PPP1R9A: variants seen among roughly 807,000 people sequenced by gnomAD.
PPP1R9A encodes the protein protein phosphatase 1 regulatory subunit 9A.
In PPP1R9A, 59 loss-of-function variants were observed where a neutral mutation model predicts 141.9. The ratio of observed to expected loss-of-function variants is 0.42; its 90% CI spans 0.34 to 0.52. PPP1R9A has a LOEUF of 0.52. PPP1R9A is among the 20% of genes least tolerant of loss of function. PPP1R9A has a pLI of 0.10. For synonymous variants in PPP1R9A, 500 were observed against 569.7 expected (o/e 0.88, Z 1.74); for missense variants, 1,444 against 1,611.9 (o/e 0.90, Z 1.78).
chr7:95,175,050 T>C (rs904762828), intron 5 of PPP1R9A: 13 of 152,042 alleles, frequency 8.6e-5, no homozygotes, highest in African/African-American at 2.9e-4. Flanking sequence ...TACAAGAGAG[T>C]GCCCAAGATG....
chr7:95,007,158 G>A (rs573691172), intron 2 of PPP1R9A, among the ~76,000 whole-genome samples: 5 of 152,238 alleles, frequency 3.3e-5, no homozygotes, highest in South Asian at 2.1e-4. Flanking sequence ...CATCGTGCCC[G>A]GCCATAATAA....
At chr7:95,059,474 T>C (rs1186954177) in intron 2 of PPP1R9A, among the ~76,000 whole-genome samples, 1 of 152,186 alleles carries the variant, frequency 6.6e-6, no homozygotes, top group East Asian at 1.9e-4. Context: ...TAGTAATAGG[T>C]TGAAGTTTCT....
At chr7:95,179,778 CAAAAAAAAAAA>C (rs61054939) in intron 5 of PPP1R9A, among the ~76,000 whole-genome samples, 64 of 96,868 alleles carry the variant, frequency 6.6e-4, no homozygotes, top group Non-Finnish European at 9.3e-4. Flanking sequence ...ACAATAGCTG[CAAAAAAAAAAA>C]AAAAAAATAC....
chr7:95,094,422 C>A (rs144637228), intron 2 of PPP1R9A, among the ~76,000 whole-genome samples: 1 of 152,158 alleles, frequency 6.6e-6, no homozygotes, highest in Non-Finnish European at 1.5e-5. Flanking sequence ...CACTCTACTC[C>A]ATCCCGTCTT....
At chr7:95,256,204 A>G (rs947934360) in intron 12 of PPP1R9A, among the ~76,000 whole-genome samples, 11 of 151,882 alleles carry the variant, frequency 7.2e-5, no homozygotes, top group Non-Finnish European at 1.3e-4. Context: ...AAAAAAAAAA[A>G]GTGACATTGA....
intron 5 of PPP1R9A, among the ~76,000 whole-genome samples, chr7:95,181,176 ATATC>A (rs973617322): frequency 6.8e-5 from 10 of 146,640 alleles, no homozygotes; most frequent in Non-Finnish European, 1.5e-4. Context: ...ATATATAGAT[ATATC>A]TATCTATATA....
At chr7:95,051,761 CA>C (rs1810834961) in intron 2 of PPP1R9A, among the ~76,000 whole-genome samples, 1 of 150,976 alleles carries the variant, frequency 6.6e-6, no homozygotes, top group African/African-American at 2.4e-5. Context: ...TATGCCAAAA[CA>C]ACAAAAAAAG....
At chr7:95,178,922 A>G (rs1456928814) in intron 5 of PPP1R9A, among the ~76,000 whole-genome samples, 1 of 152,186 alleles carries the variant, frequency 6.6e-6, no homozygotes, top group African/African-American at 2.4e-5. Context: ...GACCAGAGAG[A>G]TTCACAGCAG....
chr7:95,245,223 G>A (rs748298285), intron 8 of PPP1R9A, among the ~76,000 whole-genome samples: 2 of 152,004 alleles, frequency 1.3e-5, no homozygotes, highest in African/African-American at 2.4e-5. Flanking sequence ...CCTTTTTTAC[G>A]TTATTAGTTT....
chr7:95,030,528 A>C (rs1807518123), intron 2 of PPP1R9A, among the ~76,000 whole-genome samples: 2 of 152,086 alleles, frequency 1.3e-5, no homozygotes, highest in Admixed American at 1.3e-4. Flanking sequence ...GATTGAGATC[A>C]GGGAAAGAGA....
intron 7 of PPP1R9A, among the ~76,000 whole-genome samples, chr7:95,221,369 T>TC (rs2152942471): frequency 6.6e-6 from 1 of 152,202 alleles, no homozygotes; most frequent in Non-Finnish European, 1.5e-5. Flanking sequence ...CAGTTCTACG[T>TC]GACTTCAAAA....
intron 12 of PPP1R9A, among the ~76,000 whole-genome samples, chr7:95,262,495 T>C (rs992338522): frequency 1.3e-5 from 2 of 152,252 alleles, no homozygotes; most frequent in African/African-American, 4.8e-5. Flanking sequence ...TGATATTTGA[T>C]AGCAGTTAGG....
At chr7:95,044,394 C>T (rs1389671660) in intron 2 of PPP1R9A, among the ~76,000 whole-genome samples, 1 of 152,094 alleles carries the variant, frequency 6.6e-6, no homozygotes, top group East Asian at 1.9e-4. Context: ...ACATTTTTGC[C>T]CATGCAGTAT....
rs1186077305 is a variant in PPP1R9A, at chr7:95,293,521, G to A, written c.*3218G>A. On this transcript the variant is annotated 3_prime_UTR_variant, in exon 20 of 20. Transcript: ENST00000433360. ...TGATTGCAGTATGATAGGTACTAAA[G>A]CCAAACTCAGCTTTCAACTGGCACA... 2 of 152,108 alleles carry A rather than the reference G, an allele frequency of 1.3e-5. No homozygotes were observed. Among genetic ancestry groups the A allele is most frequent in the Admixed American group, 6.5e-5 (1 of 15,278 alleles). 9.4% of individuals were successfully genotyped at this position (152,108 alleles called of 1,614,324 possible).
chr7:95,267,418 C>G (rs762996367), intron 12 of PPP1R9A, among the ~76,000 whole-genome samples: 17 of 152,104 alleles, frequency 1.1e-4, no homozygotes, highest in Non-Finnish European at 2.5e-4. Context: ...TGATCAAACT[C>G]CTTTATTTCT....
At chr7:95,106,776 A>G (rs1194992507) in intron 2 of PPP1R9A, among the ~76,000 whole-genome samples, 4 of 151,910 alleles carry the variant, frequency 2.6e-5, no homozygotes, top group African/African-American at 9.7e-5. Context: ...TTTTTTCTAT[A>G]TCCTCACAAA....
chr7:94,907,867 C>T (rs1229393041), intron 1 of PPP1R9A, 165 bp downstream of exon 1: 5 of 148,982 alleles, frequency 3.4e-5, no homozygotes, highest in African/African-American at 7.3e-5. Context: ...CGTCGCTGCT[C>T]GGGCCGCCGC....
chr7:94,981,471 C>T (rs910505667), intron 2 of PPP1R9A, among the ~76,000 whole-genome samples: 1 of 152,094 alleles, frequency 6.6e-6, no homozygotes, highest in African/African-American at 2.4e-5. Context: ...AACTCCTGAC[C>T]TCTGATGAGC....
intron 2 of PPP1R9A, among the ~76,000 whole-genome samples, chr7:94,954,121 G>A (rs916728212): frequency 1.3e-5 from 2 of 151,544 alleles, no homozygotes. Flanking sequence ...TACTTTTTTT[G>A]TTGTTTTTCT....
Sources: allele counts gnomAD v4.1 joint callset (sites outside exome capture counted in the v4.1 genomes callset), GRCh38; gene constraint gnomAD v4.1.1; transcripts MANE v1.5; gene names NCBI Gene and HGNC (gene_info 2026-07-23, HGNC 2026-07-21).